The following EDEM1 variants were observed in gnomAD, a reference collection of about 807,000 sequenced individuals.
EDEM1 encodes the protein ER degradation enhancing alpha-mannosidase like protein 1.
Under a neutral mutation model 74.4 loss-of-function variants are expected in EDEM1, and 67 were observed. That is an observed-to-expected ratio of 0.90 (90% CI 0.74 to 1.10). EDEM1 has a LOEUF of 1.10. Ranked by LOEUF, EDEM1 falls within the 50% of genes least tolerant of loss-of-function variation. EDEM1 has a pLI of 0.00. For missense variants in EDEM1, 926 were observed against 851.6 expected (o/e 1.09, Z -1.09); for synonymous variants, 382 against 335.9 (o/e 1.14, Z -1.50).
chr3:5,196,519 T>C (rs2054969904), intron 2 of EDEM1, among the ~76,000 whole-genome samples: 1 of 152,152 alleles, frequency 6.6e-6, no homozygotes. Flanking sequence ...GTTTGCATTA[T>C]GATTGTCTAG....
chr3:5,215,979 A>G lies in EDEM1; in HGVS notation c.*61A>G. ...TTAACGACCAAACCCAGACCATGCC[A>G]AAGTCCAGTCTGAAATGAAAGGGGA... On this transcript the variant is annotated 3_prime_UTR_variant, in exon 12 of 12. Coordinates refer to ENST00000256497, the MANE Select transcript of EDEM1 (RefSeq NM_014674.3). 1 of 1,418,984 alleles carries G rather than the reference A, an allele frequency of 7.0e-7. No individual in the cohort carries two copies. The highest frequency in any genetic ancestry group is 9.8e-7 in the Non-Finnish European group (1 of 1,018,922). The allele number at this position is 1,418,984 out of a possible 1,614,324, so 87.9% of individuals were successfully genotyped here.
intron 11 of EDEM1, among the ~76,000 whole-genome samples, chr3:5,215,080 G>C (rs183119339): frequency 6.6e-6 from 1 of 152,190 alleles, no homozygotes; most frequent in African/African-American, 2.4e-5. Flanking sequence ...GTGGGCTGGT[G>C]GGGGCAGTCG....
chr3:5,195,804 GC>G (rs2054959491), intron 2 of EDEM1, among the ~76,000 whole-genome samples: 2 of 152,232 alleles, frequency 1.3e-5, no homozygotes, highest in Non-Finnish European at 2.9e-5. Flanking sequence ...GTGGGTGCTG[GC>G]ATTACTGCCT....
chr3:5,218,379 G>A lies in EDEM1; in HGVS notation c.*2461G>A, dbSNP rs2055267614. The A allele has an allele frequency of 6.7e-6, 1 of 148,320 alleles. No homozygotes were observed. Among genetic ancestry groups the A allele is most frequent in the Admixed American group, 6.7e-5 (1 of 14,900 alleles). 9.2% of individuals were successfully genotyped at this position (148,320 alleles called of 1,614,324 possible). ...TTTTTTTTTTTTTTTTTTAAAGTCA[G>A]AATGTTAACAGCTGTGATATATCCT... On this transcript the variant is annotated 3_prime_UTR_variant, in exon 12 of 12. Coordinates refer to ENST00000256497, the MANE Select transcript of EDEM1 (RefSeq NM_014674.3).
Position 5,208,282 on chromosome 3 carries a change from T to C in EDEM1, c.1509+19T>C, listed in dbSNP as rs745541490. ...CTACCAGGTACTAGAGTTGTGTTTT[T>C]TTTTTTTTCCTTTCACTGCCTCCCC... On this transcript the variant is annotated intron_variant, in intron 8 of 11. Transcript: ENST00000256497. 4.4e-6 allele frequency: 7 copies of C among 1,600,754 alleles called. No individual in the cohort carries two copies. Among genetic ancestry groups the C allele is most frequent in the African/African-American group, 1.4e-5 (1 of 73,790 alleles).
intron 1 of EDEM1, among the ~76,000 whole-genome samples, chr3:5,192,880 A>C (rs558038389): frequency 2.6e-5 from 4 of 152,194 alleles, no homozygotes; most frequent in African/African-American, 9.6e-5. Flanking sequence ...GATTTGTCTG[A>C]CTAGAGTGGA....
chr3:5,204,502 C>G (rs985741007), intron 5 of EDEM1, among the ~76,000 whole-genome samples: 2 of 152,164 alleles, frequency 1.3e-5, no homozygotes, highest in South Asian at 2.1e-4. Context: ...GTGAACCCCC[C>G]ATCTCAGCCT....
At chr3:5,192,920 ATTT>A (rs201219399) in intron 1 of EDEM1, among the ~76,000 whole-genome samples, 7 of 143,952 alleles carry the variant, frequency 4.9e-5, no homozygotes, top group Admixed American at 2.1e-4. Flanking sequence ...ACTGCAAGTA[ATTT>A]TTTTTTTTTT....
rs2055270378 is a variant in EDEM1 at position 5,218,579 on chromosome 3, C to G, written c.*2661C>G. 1 of 152,136 alleles carries G rather than the reference C, an allele frequency of 6.6e-6. No homozygotes were observed. The highest frequency in any genetic ancestry group is 2.1e-4 in the South Asian group (1 of 4,826). The allele number at this position is 152,136 out of a possible 1,614,324, so 9.4% of individuals were successfully genotyped here. ...TGAGCCTGGCCCATCTTCCTATTCC[C>G]ACGTGTAGCTAGTGTCTAGTGTCAG... On this transcript the variant is annotated 3_prime_UTR_variant, in exon 12 of 12. Transcript: ENST00000256497.
chr3:5,213,319 C>T lies in EDEM1; in HGVS notation c.1681C>T (p.Leu561=), dbSNP rs1454329424. The T allele has an allele frequency of 2.5e-6, 4 of 1,612,406 alleles. No homozygotes were observed. Among genetic ancestry groups the T allele is most frequent in the Non-Finnish European group, 3.4e-6 (4 of 1,179,180 alleles). ...GTATCTTTTTCTCCGTTCCCTCTAGCTGTTTGATGAAGACAATCCAGTACA... is the reference window on the plus strand; with the variant it reads ...GTATCTTTTTCTCCGTTCCCTCTAGTTGTTTGATGAAGACAATCCAGTACA... ...LSETCKYLYL[L]FDEDNPVHKS... Residue 561 remains leucine, a splice_region_variant and synonymous_variant, in exon 11 of 12, where the codon CTG becomes TTG. Transcript: ENST00000256497.
chr3:5,213,645 ACCT>A (rs1427447594), intron 11 of EDEM1, 123 bp downstream of exon 11: 28 of 951,416 alleles, frequency 2.9e-5, no homozygotes, highest in Non-Finnish European at 4.2e-5. Context: ...ATTTGAAAAC[ACCT>A]CCTAAAGACA....
intron 2 of EDEM1, among the ~76,000 whole-genome samples, chr3:5,197,627 G>A (rs2054985462): frequency 6.6e-6 from 1 of 152,098 alleles, no homozygotes; most frequent in Admixed American, 6.5e-5. Flanking sequence ...TAGAATATCC[G>A]GCCTTTAGTG....
At chr3:5,196,483 C>CACACACACACACAA (rs1384739421) in intron 2 of EDEM1, among the ~76,000 whole-genome samples, 1 of 151,582 alleles carries the variant, frequency 6.6e-6, no homozygotes, top group African/African-American at 2.4e-5. Flanking sequence ...CACACACACA[C>CACACACACACACAA]AAGAATTGGG....
In EDEM1 at chr3:5,195,368, G is replaced by C. The variant is rs1341709836; in HGVS notation, c.582+87G>C. 8.4e-6 allele frequency: 6 copies of C among 718,054 alleles called. No individual in the cohort carries two copies. The East Asian group carries it at 1.9e-4, about 22-fold the overall frequency. 44.5% of individuals were successfully genotyped at this position (718,054 alleles called of 1,614,324 possible). On this transcript the variant is annotated intron_variant, in intron 2 of 11. Transcript: ENST00000256497. ...TTCCCTCCAGCAGTGGGAATTCCAGGGAGCCTGATAAGTCAAAATGTATCA... is the reference window on the plus strand; with the variant it reads ...TTCCCTCCAGCAGTGGGAATTCCAGCGAGCCTGATAAGTCAAAATGTATCA...
At chr3:5,195,929 C>T (rs941915644) in intron 2 of EDEM1, among the ~76,000 whole-genome samples, 2 of 152,256 alleles carry the variant, frequency 1.3e-5, no homozygotes, top group African/African-American at 4.8e-5. Context: ...CTGTGTGCTT[C>T]ATCTGCTTCA....
chr3:5,197,795 A>G, intron 2 of EDEM1, among the ~76,000 whole-genome samples: 1 of 152,238 alleles, frequency 6.6e-6, no homozygotes, highest in East Asian at 1.9e-4. Context: ...TCATCTTCTA[A>G]AAAGAAAGAA....
intron 10 of EDEM1, 94 bp from the exon 11 acceptor site, chr3:5,213,225 A>T (rs769592080): frequency 3.6e-5 from 46 of 1,291,614 alleles, no homozygotes; most frequent in Non-Finnish European, 4.7e-5. Context: ...GGCCCAAGCA[A>T]ATTCTACTCC....
intron 5 of EDEM1, among the ~76,000 whole-genome samples, chr3:5,204,644 G>A (rs777392244): frequency 2.0e-5 from 3 of 152,160 alleles, no homozygotes; most frequent in South Asian, 2.1e-4. Context: ...CACCTGCCTC[G>A]GCTTCCCAAA....
At chr3:5,194,092 A>G (rs2054934117) in intron 1 of EDEM1, among the ~76,000 whole-genome samples, 2 of 152,226 alleles carry the variant, frequency 1.3e-5, no homozygotes, top group Non-Finnish European at 1.5e-5. Flanking sequence ...GCTGTGCACC[A>G]GAAGCTTCTC....
Sources: allele counts gnomAD v4.1 joint callset (sites outside exome capture counted in the v4.1 genomes callset), GRCh38; gene constraint gnomAD v4.1.1; transcripts MANE v1.5; gene names NCBI Gene and HGNC (gene_info 2026-07-23, HGNC 2026-07-21).